Variants in PCDH15 observed in about 807,000 individuals in gnomAD.
The protein encoded by PCDH15 is protocadherin related 15.
A neutral mutation model predicts 178.5 loss-of-function variants in PCDH15; 129 were observed. That is an observed-to-expected ratio of 0.72 (90% CI 0.63 to 0.84). The LOEUF is 0.84. PCDH15 is among the 40% of genes least tolerant of loss of function. The pLI is 0.00. For synonymous variants in PCDH15, 800 were observed against 732.0 expected, an observed-to-expected ratio of 1.09 and a Z score of -1.50; for missense variants, 2,230 against 2,099.9, an observed-to-expected ratio of 1.06 and a Z score of -1.21.
chr10:54,428,564 T>C (rs116963409), intron 3 of PCDH15, among the ~76,000 whole-genome samples: 1 of 152,356 alleles, frequency 6.6e-6, no homozygotes, highest in Non-Finnish European at 1.5e-5. Context: ...CACAGACCTC[T>C]CTTCCGTGCT....
intron 1 of PCDH15, among the ~76,000 whole-genome samples, chr10:55,206,407 C>G (rs1487009064): frequency 6.6e-6 from 1 of 152,096 alleles, no homozygotes; most frequent in Non-Finnish European, 1.5e-5. Flanking sequence ...GTGCACTCCA[C>G]AGACACTGAT....
At chr10:55,083,161 C>G (rs1842086200) in intron 2 of PCDH15, among the ~76,000 whole-genome samples, 1 of 151,374 alleles carries the variant, frequency 6.6e-6, no homozygotes, top group Non-Finnish European at 1.5e-5. Flanking sequence ...AAAAAAAACA[C>G]TAGCAAACAA....
chr10:54,916,944 C>T (rs931171655), intron 2 of PCDH15, among the ~76,000 whole-genome samples: 2 of 152,038 alleles, frequency 1.3e-5, no homozygotes, highest in African/African-American at 4.8e-5. Flanking sequence ...AGAGTCCCAG[C>T]AGAAAGATGA....
intron 2 of PCDH15, among the ~76,000 whole-genome samples, chr10:55,619,369 C>T (rs1315495749): frequency 6.6e-6 from 1 of 151,888 alleles, no homozygotes; most frequent in Non-Finnish European, 1.5e-5. Context: ...CTGGAGGTAA[C>T]TTTAGTAACG....
intron 2 of PCDH15, among the ~76,000 whole-genome samples, chr10:55,349,600 T>C (rs565355607): frequency 1.0e-3 from 152 of 152,102 alleles, no homozygotes; most frequent in African/African-American, 3.6e-3. Context: ...TGAAAATGAA[T>C]TCAATGAGAG....
intron 2 of PCDH15, among the ~76,000 whole-genome samples, chr10:55,056,970 ATTTG>A (rs1440080818): frequency 1.4e-4 from 22 of 152,244 alleles, no homozygotes; most frequent in Non-Finnish European, 2.1e-4. Flanking sequence ...TTATACAATA[ATTTG>A]TTTATCATTA....
At chr10:54,906,823 T>C (rs1954730886) in intron 2 of PCDH15, among the ~76,000 whole-genome samples, 1 of 152,158 alleles carries the variant, frequency 6.6e-6, no homozygotes, top group South Asian at 2.1e-4. Context: ...AATCCCACCA[T>C]CAGTGTCTCC....
At chr10:54,804,938 T>TATATATATATAC (rs1554800511), upstream of PCDH15, among the ~76,000 whole-genome samples, 10 of 126,420 alleles carry the variant, frequency 7.9e-5, 1 homozygote, top group African/African-American at 1.7e-4. Flanking sequence ...TATATATATA[T>TATATATATATAC]ATATATATAT....
intron 2 of PCDH15, among the ~76,000 whole-genome samples, chr10:54,565,994 G>T (rs2088969314): frequency 6.6e-6 from 1 of 152,176 alleles, no homozygotes; most frequent in Non-Finnish European, 1.5e-5. Flanking sequence ...TGAGGCAGTA[G>T]AATCGTTTGA....
intron 3 of PCDH15, among the ~76,000 whole-genome samples, chr10:54,419,032 T>C (rs1468174483): frequency 1.3e-5 from 2 of 151,998 alleles, no homozygotes; most frequent in Non-Finnish European, 2.9e-5. Context: ...ATAAAAATTT[T>C]ATTATAGTAG....
chr10:54,587,626 T>C (rs2091586770), intron 2 of PCDH15, among the ~76,000 whole-genome samples: 1 of 152,022 alleles, frequency 6.6e-6, no homozygotes, highest in African/African-American at 2.4e-5. Flanking sequence ...CTGATCCAAA[T>C]TTAAGATTAT....
chr10:54,886,341 G>C (rs1334487147), intron 3 of PCDH15, among the ~76,000 whole-genome samples: 1 of 152,010 alleles, frequency 6.6e-6, no homozygotes, highest in African/African-American at 2.4e-5. Context: ...AGACTTTTTG[G>C]CATTTCTCAT....
chr10:54,312,391 ATTT>A (rs1202792705), intron 8 of PCDH15, among the ~76,000 whole-genome samples: 1 of 151,878 alleles, frequency 6.6e-6, no homozygotes, highest in Non-Finnish European at 1.5e-5. Context: ...CCACAATAAC[ATTT>A]TCTTTTCCAT....
chr10:53,936,090 A>C (rs1378072279), intron 25 of PCDH15, among the ~76,000 whole-genome samples: 1 of 152,174 alleles, frequency 6.6e-6, no homozygotes, highest in Non-Finnish European at 1.5e-5. Context: ...TGAAATGACC[A>C]CTTGGAGAGA....
At chr10:55,171,158 ATTAGCATGTCAGTCTACT>A (rs1458927477) in intron 1 of PCDH15, among the ~76,000 whole-genome samples, 2 of 152,164 alleles carry the variant, frequency 1.3e-5, no homozygotes, top group Admixed American at 6.5e-5. Flanking sequence ...AAACACCAAA[ATTAGCATGTCAGTCTACT>A]ACCCTCCAGC....
intron 5 of PCDH15, among the ~76,000 whole-genome samples, chr10:54,357,571 G>GA (rs1945234103): frequency 6.6e-6 from 1 of 152,064 alleles, no homozygotes; most frequent in African/African-American, 2.4e-5. Flanking sequence ...TCAATATCGT[G>GA]AAAATGGCCA....
intron 2 of PCDH15, among the ~76,000 whole-genome samples, chr10:54,997,356 A>G (rs1413583745): frequency 6.6e-6 from 1 of 152,218 alleles, no homozygotes; most frequent in African/African-American, 2.4e-5. Flanking sequence ...GCTTTTAAAT[A>G]AAAGAGTACT....
chr10:55,051,247 C>T (rs1041086645), intron 2 of PCDH15, among the ~76,000 whole-genome samples: 1 of 151,978 alleles, frequency 6.6e-6, no homozygotes, highest in Non-Finnish European at 1.5e-5. Flanking sequence ...AGCTCAACTG[C>T]ATTATGAGGC....
intron 2 of PCDH15, among the ~76,000 whole-genome samples, chr10:54,604,279 G>GA (rs2092657701): frequency 6.6e-6 from 1 of 151,940 alleles, no homozygotes; most frequent in Non-Finnish European, 1.5e-5. Flanking sequence ...TTCTGTAGAT[G>GA]TCTGTTAGGT....
Sources: allele counts gnomAD v4.1 joint callset (sites outside exome capture counted in the v4.1 genomes callset), GRCh38; gene constraint gnomAD v4.1.1; transcripts MANE v1.5; gene names NCBI Gene and HGNC (gene_info 2026-07-23, HGNC 2026-07-21).